THNSL1: variants seen among roughly 807,000 people sequenced by gnomAD.
The protein encoded by THNSL1 is threonine synthase like 1, also known as threonine synthase-like 1.
A neutral mutation model predicts 50.4 loss-of-function variants in THNSL1; 48 were observed. The ratio of observed to expected loss-of-function variants is 0.95; its 90% CI spans 0.76 to 1.21. The LOEUF is 1.21. THNSL1 is among the 50% of genes most tolerant of loss of function. THNSL1 has a pLI of 0.00. For synonymous variants in THNSL1, 309 were observed against 306.1 expected (o/e 1.01, Z -0.10); for missense variants, 896 against 871.7 (o/e 1.03, Z -0.35).
At chr10:25,013,211 C>T (rs561018932), upstream of THNSL1, among the ~76,000 whole-genome samples, 4 of 152,218 alleles carry the variant, frequency 2.6e-5, no homozygotes, top group South Asian at 2.1e-4. Flanking sequence ...TACCCAGTCT[C>T]GAGTATGTCT....
chr10:24,988,662 A>G, the THNSL1 span, among the ~76,000 whole-genome samples: 4 of 106,688 alleles, frequency 3.7e-5, no homozygotes, highest in African/African-American at 1.3e-4. Flanking sequence ...GACACAGCAT[A>G]TGTATATATA....
the THNSL1 span, among the ~76,000 whole-genome samples, chr10:24,958,070 C>G: frequency 3.8e-4 from 58 of 152,074 alleles, no homozygotes; most frequent in African/African-American, 1.4e-3. Flanking sequence ...CTGAATTGTT[C>G]CTAGCCCGTC....
the THNSL1 span, among the ~76,000 whole-genome samples, chr10:24,966,496 C>A: frequency 2.0e-5 from 3 of 152,200 alleles, no homozygotes; most frequent in African/African-American, 7.2e-5. Context: ...ATTAACTGAG[C>A]AGCCTGGGCT....
the THNSL1 span, chr10:24,984,416 G>C: frequency 6.4e-7 from 1 of 1,571,978 alleles, no homozygotes. Context: ...TCTGAGTGCT[G>C]ACTTTATTTT....
chr10:24,986,970 TAAG>T, the THNSL1 span, among the ~76,000 whole-genome samples: 40 of 152,184 alleles, frequency 2.6e-4, no homozygotes, highest in Non-Finnish European at 5.0e-4. Context: ...GATCTTATAA[TAAG>T]AAGTTTTCAG....
chr10:25,023,923 A>G lies in THNSL1; in HGVS notation c.700A>G (p.Thr234Ala). 6.2e-6 allele frequency: 10 copies of G among 1,614,200 alleles called. No individual in the cohort carries two copies. Among genetic ancestry groups the G allele is most frequent in the East Asian group, 2.2e-5 (1 of 44,888 alleles). ...QDVDSETFIS[T>A]RHVWPEDCEQ... ...TGTGGACTCGGAAACATTCATTTCA[A>G]CAAGACACGTTTGGCCTGAAGACTG... The change falls in exon 3 of 3, where the codon ACA (threonine) becomes GCA (alanine). Residue 234 changes from threonine to alanine, a missense_variant. By Grantham distance (58) the Thr-to-Ala change is moderately conservative (BLOSUM62 0). Coordinates refer to ENST00000376356, the MANE Select transcript of THNSL1 (RefSeq NM_024838.5).
At chr10:24,975,665 T>C in the THNSL1 span, among the ~76,000 whole-genome samples, 1 of 152,186 alleles carries the variant, frequency 6.6e-6, no homozygotes, top group African/African-American at 2.4e-5. Flanking sequence ...CCTGCCACCA[T>C]GTAAGATGTT....
chr10:25,003,181 A>AATTT, the THNSL1 span, among the ~76,000 whole-genome samples: 77 of 146,978 alleles, frequency 5.2e-4, 4 homozygotes, highest in South Asian at 1.3e-3. Context: ...TTAATTAATT[A>AATTT]ATTTATTTAT....
chr10:25,007,241 G>A, the THNSL1 span, among the ~76,000 whole-genome samples: 168 of 152,080 alleles, frequency 1.1e-3, no homozygotes, highest in African/African-American at 3.9e-3. Context: ...TTCTGTAACC[G>A]AATAATCTAA....
At chr10:24,997,386 T>C in the THNSL1 span, among the ~76,000 whole-genome samples, 1 of 151,764 alleles carries the variant, frequency 6.6e-6, no homozygotes, top group Non-Finnish European at 1.5e-5. Context: ...CCTTTTTTTT[T>C]TTTTTTTCCT....
chr10:24,979,184 A>T, the THNSL1 span, among the ~76,000 whole-genome samples: 1 of 152,360 alleles, frequency 6.6e-6, no homozygotes, highest in East Asian at 1.9e-4. Context: ...AACTGCCGAA[A>T]AATTTCCTTG....
chr10:24,958,405 C>T, the THNSL1 span, among the ~76,000 whole-genome samples: 150 of 152,274 alleles, frequency 9.9e-4, no homozygotes, highest in Non-Finnish European at 1.7e-3. Context: ...GAAAGAGTAG[C>T]AAGACATTTT....
Position 25,024,378 on chromosome 10 carries a change from A to C in THNSL1, c.1155A>C (p.Ala385=). The C allele has an allele frequency of 6.2e-7, 1 of 1,614,016 alleles. No homozygotes were observed. Among genetic ancestry groups the C allele is most frequent in the South Asian group, 1.1e-5 (1 of 91,088 alleles). Residue 385 remains alanine, a synonymous_variant, in exon 3 of 3, where the codon GCA becomes GCC. Coordinates refer to ENST00000376356, the MANE Select transcript of THNSL1 (RefSeq NM_024838.5). ...CTACTTCAGGAGACACAGGGAGTGCAGTCTTAAATGGTTTTAGTCGTCTAA... is the reference window on the plus strand; with the variant it reads ...CTACTTCAGGAGACACAGGGAGTGCCGTCTTAAATGGTTTTAGTCGTCTAA... ...LVATSGDTGS[A]VLNGFSRLNK...
the THNSL1 span, chr10:24,990,540 C>G: frequency 1.4e-5 from 22 of 1,613,930 alleles, no homozygotes; most frequent in Admixed American, 3.7e-4. Flanking sequence ...ATATAACGAT[C>G]ATAGTCTTCT....
At chr10:24,955,413 A>G in the THNSL1 span, among the ~76,000 whole-genome samples, 1 of 152,186 alleles carries the variant, frequency 6.6e-6, no homozygotes, top group Non-Finnish European at 1.5e-5. Context: ...TACTTTAGCC[A>G]ATGAGTCTAA....
At chr10:24,971,312 A>G in the THNSL1 span, among the ~76,000 whole-genome samples, 1 of 152,146 alleles carries the variant, frequency 6.6e-6, no homozygotes, top group South Asian at 2.1e-4. Flanking sequence ...ACTATGTTAC[A>G]CAGGCTGGTC....
In THNSL1 at chr10:25,026,163, G is replaced by A. The variant is rs951012270; in HGVS notation, c.*708G>A. 1.8e-5 allele frequency: 3 copies of A among 164,820 alleles called. No individual in the cohort carries two copies. Among genetic ancestry groups the A allele is most frequent in the Middle Eastern group, 3.4e-3 (1 of 296 alleles). The allele number at this position is 164,820 out of a possible 1,614,324, so 10.2% of individuals were successfully genotyped here. A position where few individuals can be genotyped will look rare whatever the true frequency, so the allele number is the denominator to read the frequency against. ...CAAAGTGCTAGGATTACAGGCGTGA[G>A]CCTCTGCACCTGGCTAGGGCCAGTG... On this transcript the variant is annotated 3_prime_UTR_variant, in exon 3 of 3. Transcript: ENST00000376356.
the THNSL1 span, chr10:24,999,566 G>C: frequency 1.3e-6 from 2 of 1,582,698 alleles, no homozygotes; most frequent in Admixed American, 1.9e-5. Context: ...AATTTTAAAA[G>C]TTGTAGCATT....
the THNSL1 span, among the ~76,000 whole-genome samples, chr10:24,995,391 A>T: frequency 2.6e-5 from 4 of 152,214 alleles, no homozygotes; most frequent in Non-Finnish European, 5.9e-5. Context: ...TAAAATTGTT[A>T]AATATGTTAA....
Sources: allele counts gnomAD v4.1 joint callset (sites outside exome capture counted in the v4.1 genomes callset), GRCh38; gene constraint gnomAD v4.1.1; transcripts MANE v1.5; gene names NCBI Gene and HGNC (gene_info 2026-07-23, HGNC 2026-07-21).